FER: variants seen among roughly 807,000 people sequenced by gnomAD.
The protein encoded by FER is tyrosine-protein kinase Fer.
Under a neutral mutation model 111.0 loss-of-function variants are expected in FER, and 63 were observed. The observed-to-expected ratio is 0.57, with a 90% CI of 0.46 to 0.70. The LOEUF is 0.70. Among genes scored for constraint, FER ranks in the 30% least tolerant of loss-of-function variants. FER has a pLI of 0.00. For missense variants in FER, 914 were observed against 954.0 expected (o/e 0.96, Z 0.55); for synonymous variants, 327 against 313.9 (o/e 1.04, Z -0.44).
chr5:108,928,170 A>G (rs1285759169), intron 10 of FER, among the ~76,000 whole-genome samples: 1 of 152,210 alleles, frequency 6.6e-6, no homozygotes. Flanking sequence ...TCCCAAATGC[A>G]GGAGCTTCTT....
intron 11 of FER, among the ~76,000 whole-genome samples, chr5:108,949,205 G>C (rs527910423): frequency 4.6e-5 from 7 of 152,182 alleles, no homozygotes; most frequent in African/African-American, 1.7e-4. Flanking sequence ...GGGGAATGTA[G>C]CTATTTTCAT....
In FER at chr5:109,043,959, G is replaced by T. The variant is rs187509219; in HGVS notation, c.1714-721G>T. 5.3e-5 allele frequency among the ~76,000 whole-genome samples: 8 copies of T among 151,536 alleles called. 1 individual carries two copies. In the East Asian group the frequency reaches 1.4e-3, roughly 26 times the overall value. ...GCACTCCAGACTGGCAACAGAGTGA[G>T]ACTCTGTCTCAGAAAAAAAAAGAAA... is the stretch of plus-strand genomic sequence containing the variant. On this transcript the variant is annotated intron_variant, in intron 14 of 19. Coordinates refer to ENST00000281092, the MANE Select transcript of FER (RefSeq NM_005246.4).
chr5:108,851,104 G>C (rs1461581681), intron 5 of FER, among the ~76,000 whole-genome samples: 3 of 152,136 alleles, frequency 2.0e-5, no homozygotes, highest in African/African-American at 7.2e-5. Flanking sequence ...TCCTCAACTT[G>C]TTCATGTTGT....
chr5:108,763,134 T>C (rs1751948124), intron 1 of FER, among the ~76,000 whole-genome samples: 1 of 152,100 alleles, frequency 6.6e-6, no homozygotes, highest in Non-Finnish European at 1.5e-5. Flanking sequence ...TCAGCAAATA[T>C]TTGTTGAACG....
At chr5:109,007,520 G>A (rs912083423) in intron 13 of FER, among the ~76,000 whole-genome samples, 2 of 152,128 alleles carry the variant, frequency 1.3e-5, no homozygotes, top group African/African-American at 4.8e-5. Flanking sequence ...ACAAGGAATC[G>A]TACAGTATGT....
intron 16 of FER, among the ~76,000 whole-genome samples, chr5:109,082,790 C>T (rs1777140470): frequency 6.6e-6 from 1 of 151,870 alleles, no homozygotes; most frequent in South Asian, 2.1e-4. Flanking sequence ...TAAGAATTGC[C>T]TTGAAATGTC....
intron 3 of FER, among the ~76,000 whole-genome samples, chr5:108,825,939 A>G (rs1405149224): frequency 1.3e-5 from 2 of 152,182 alleles, no homozygotes; most frequent in Non-Finnish European, 1.5e-5. Flanking sequence ...TTTATTGCCT[A>G]ATTGCTCTGG....
chr5:108,807,469 C>A (rs1757322468), intron 3 of FER, among the ~76,000 whole-genome samples: 1 of 152,124 alleles, frequency 6.6e-6, no homozygotes, highest in African/African-American at 2.4e-5. Flanking sequence ...GTTTTGATGT[C>A]ACCTTTGTGA....
At chr5:109,020,360 T>G (rs1001471305) in intron 13 of FER, among the ~76,000 whole-genome samples, 7 of 151,972 alleles carry the variant, frequency 4.6e-5, no homozygotes, top group African/African-American at 1.7e-4. Flanking sequence ...CTCACTGGTC[T>G]CTACCACAGT....
intron 13 of FER, among the ~76,000 whole-genome samples, chr5:109,028,795 A>C (rs569823586): frequency 6.6e-6 from 1 of 152,340 alleles, no homozygotes; most frequent in Admixed American, 6.5e-5. Flanking sequence ...TGTATGGCTA[A>C]GTCTTTCTGT....
At chr5:108,854,200 A>G (rs1302052460) in intron 5 of FER, among the ~76,000 whole-genome samples, 1 of 152,222 alleles carries the variant, frequency 6.6e-6, no homozygotes, top group Admixed American at 6.5e-5. Context: ...GTATGTTTTC[A>G]TTTAAAGACA....
At position 109,159,864 on chromosome 5, in the gene FER, A is replaced by G. The variant is rs144000157; in HGVS notation, c.2049-20883A>G. 7.8e-3 allele frequency among the ~76,000 whole-genome samples: 1,193 copies of G among 152,322 alleles called. 12 individuals are homozygous for G. The highest frequency in any genetic ancestry group is 0.028 in the African/African-American group (1,157 of 41,586). On this transcript the variant is annotated intron_variant, in intron 17 of 19. Coordinates refer to ENST00000281092, the MANE Select transcript of FER (RefSeq NM_005246.4). ...AAATAGTCTGTGGCAGCAGTAATCTACTAAGCAGATGATCTGCACTGATAA... is the reference window on the plus strand; with the variant it reads ...AAATAGTCTGTGGCAGCAGTAATCTGCTAAGCAGATGATCTGCACTGATAA...
chr5:108,997,881 G>T (rs1262893899), intron 13 of FER, among the ~76,000 whole-genome samples: 3 of 152,146 alleles, frequency 2.0e-5, no homozygotes, highest in Non-Finnish European at 2.9e-5. Flanking sequence ...TTGCTGAGCT[G>T]TGTGTGGTAG....
At chr5:109,015,548 C>G (rs1263753376) in intron 13 of FER, among the ~76,000 whole-genome samples, 1 of 151,564 alleles carries the variant, frequency 6.6e-6, no homozygotes, top group East Asian at 1.9e-4. Flanking sequence ...CAAAGAGCTT[C>G]TATCTGCCAG....
At chr5:108,785,568 G>T in intron 2 of FER, 1 of 489,778 alleles carries the variant, frequency 2.0e-6, no homozygotes. Flanking sequence ...TTATGGCAGA[G>T]CTTTAGAAAT....
At chr5:109,123,551 T>G (rs922955422) in intron 17 of FER, among the ~76,000 whole-genome samples, 3 of 152,114 alleles carry the variant, frequency 2.0e-5, no homozygotes, top group Non-Finnish European at 4.4e-5. Flanking sequence ...CTCTTGTATG[T>G]TTTTAAATTT....
chr5:109,009,284 C>T (rs904627259), intron 13 of FER, among the ~76,000 whole-genome samples: 8 of 152,038 alleles, frequency 5.3e-5, no homozygotes, highest in African/African-American at 1.9e-4. Context: ...GAACTGCCCA[C>T]CTCAGCCTCC....
intron 13 of FER, among the ~76,000 whole-genome samples, chr5:109,018,836 A>T (rs1253948735): frequency 6.6e-6 from 1 of 151,608 alleles, no homozygotes; most frequent in African/African-American, 2.4e-5. Context: ...CGTTTTCTGG[A>T]TATTTTTTCC....
chr5:108,947,317 A>T lies in FER; in HGVS notation c.1329+1095A>T, dbSNP rs373702909. On this transcript the variant is annotated intron_variant, in intron 11 of 19. Transcript: ENST00000281092. ...TATACCATTTTACATTCCCATTAGC[A>T]ATATATGAATATTTTGATTTCTCCA... Among the ~76,000 whole-genome samples, 14 of 152,188 alleles carry T rather than the reference A, an allele frequency of 9.2e-5. No individual in the cohort carries two copies. The East Asian group carries it at 2.3e-3, about 25-fold the overall frequency.
Sources: gnomAD v4.1 joint callset for allele counts (sites outside exome capture counted in the v4.1 genomes callset) on GRCh38, gnomAD v4.1.1 for gene constraint, MANE v1.5 for transcripts, NCBI Gene and HGNC (gene_info 2026-07-23, HGNC 2026-07-21) for gene names.